SPTBN1: variants seen among roughly 807,000 people sequenced by gnomAD.
SPTBN1 encodes spectrin beta chain, non-erythrocytic 1.
A neutral mutation model predicts 266.4 loss-of-function variants in SPTBN1; 32 were observed. That is an observed-to-expected ratio of 0.12 (90% CI 0.09 to 0.16). The LOEUF (loss-of-function observed/expected upper bound fraction) is 0.16. Among genes scored for constraint, SPTBN1 ranks in the 10% least tolerant of loss-of-function variants. The probability of loss-of-function intolerance (pLI) is 1.00; values close to 1 mark genes in which losing one functional copy is unlikely to be tolerated. For missense variants in SPTBN1, 2,296 were observed against 3,067.1 expected, an observed-to-expected ratio of 0.75 and a Z score of 5.94; for synonymous variants, 1,336 against 1,162.2, an observed-to-expected ratio of 1.15 and a Z score of -3.04.
chr2:54,630,978 C>T lies in SPTBN1; in HGVS notation c.2931C>T (p.Val977=), dbSNP rs773569037. The T allele has an allele frequency of 6.2e-7, 1 of 1,614,168 alleles. No homozygotes were observed. Among genetic ancestry groups the T allele is most frequent in the Admixed American group, 1.7e-5 (1 of 60,030 alleles). Residue 977 remains valine (V), a synonymous_variant, in exon 16 of 36, where the codon GTC becomes GTT. Transcript: ENST00000356805. ...CCTGGATTCGGGAAAAGACCAAGGT[C>T]ATCGAGTCCACCCAGGACCTGGGCA... is the stretch of plus-strand genomic sequence containing the variant. The part of the protein sequence containing the change: ...TKSWIREKTK[V]IESTQDLGND...
Position 54,631,274 on chromosome 2 carries a change from C to G in SPTBN1, c.3227C>G (p.Ser1076Cys). ...CTACGGGACTTGGACGACTTCCAGTCCTGGCTCTCTAGGACCCAGACAGCG... is the reference window on the plus strand; with the variant it reads ...CTACGGGACTTGGACGACTTCCAGTGCTGGCTCTCTAGGACCCAGACAGCG... The part of the protein sequence containing the change: ...QFLRDLDDFQ[S>C]WLSRTQTAIA... The change falls in exon 16 of 36, where the codon TCC becomes TGC. Residue 1076 changes from serine to cysteine, a missense_variant. Ser to Cys is a moderately radical substitution (Grantham distance 112, BLOSUM62 -1). Transcript: ENST00000356805. 6.2e-6 allele frequency: 10 copies of G among 1,614,180 alleles called. No individual in the cohort carries two copies. The highest frequency in any genetic ancestry group is 7.6e-6 in the Non-Finnish European group (9 of 1,180,006).
chr2:54,502,887 G>T (rs1019904481), intron 1 of SPTBN1, among the ~76,000 whole-genome samples: 4 of 152,166 alleles, frequency 2.6e-5, no homozygotes, highest in Non-Finnish European at 5.9e-5. Flanking sequence ...CATTGTGTCA[G>T]GAATGAGCTC....
rs763347917 is a variant in SPTBN1 at position 54,644,362 on chromosome 2, G to C, written c.4045G>C (p.Ala1349Pro). The stretch of plus-strand genomic sequence containing the variant: ...CATTTCAGAAAAGCCTGAGACGGAA[G>C]CTGTGGTGAAGGAGAAACTCACTGG... ...QLISEKPETE[A>P]VVKEKLTGLH... Residue 1349 changes from alanine (A) to proline (P), a missense_variant, in exon 20 of 36, where the codon GCT becomes CCT. Around this residue, in one of 12 missense-constraint regions of SPTBN1, gnomAD observed 386 missense variants for 486.1 expected, o/e 0.79. Transcript: ENST00000356805. The C allele has an allele frequency of 1.2e-6, 2 of 1,613,620 alleles. No individual in the cohort carries two copies. Among genetic ancestry groups the C allele is most frequent in the South Asian group, 2.2e-5 (2 of 91,074 alleles).
At chr2:54,604,886 C>T (rs1676733552) in intron 3 of SPTBN1, among the ~76,000 whole-genome samples, 1 of 152,186 alleles carries the variant, frequency 6.6e-6, no homozygotes, top group Admixed American at 6.5e-5. Flanking sequence ...CTCAGAGGAA[C>T]TGCTCTCTGC....
chr2:54,670,657 GC>G lies in SPTBN1; in HGVS notation c.*2089del. The G allele has an allele frequency of 2.5e-6, 1 of 398,650 alleles. No individual in the cohort carries two copies. The highest frequency in any genetic ancestry group is 4.4e-6 in the Non-Finnish European group (1 of 226,076). The allele number at this position is 398,650 out of a possible 1,614,324, so 24.7% of individuals were successfully genotyped here. A position where few individuals can be genotyped will look rare whatever the true frequency, so the allele number is the denominator to read the frequency against. On this transcript the variant is annotated 3_prime_UTR_variant, in exon 36 of 36. Transcript: ENST00000356805. ...AGTCTTGTACTCTTGACAAAGCTGT[GC>G]AGATGGCAATAAGTTCATACCAGCA...
chr2:54,479,263 C>T (rs939520349), intron 1 of SPTBN1, among the ~76,000 whole-genome samples: 1 of 152,166 alleles, frequency 6.6e-6, no homozygotes. Flanking sequence ...AAACATGACC[C>T]TTACCAACCG....
At chr2:54,503,765 C>T (rs1444376512) in intron 1 of SPTBN1, among the ~76,000 whole-genome samples, 1 of 152,126 alleles carries the variant, frequency 6.6e-6, no homozygotes, top group Non-Finnish European at 1.5e-5. Flanking sequence ...ACTATTCATC[C>T]CTCAGTAGCT....
At chr2:54,518,234 C>G (rs1337546621) in intron 1 of SPTBN1, among the ~76,000 whole-genome samples, 2 of 151,150 alleles carry the variant, frequency 1.3e-5, no homozygotes, top group African/African-American at 4.9e-5. Flanking sequence ...TGTTCTCACT[C>G]ATAGGTGGGA....
At chr2:54,657,701 A>G (rs1410118465) in intron 29 of SPTBN1, 149 bp from the exon 30 acceptor site, 4 of 891,374 alleles carry the variant, frequency 4.5e-6, no homozygotes, top group Non-Finnish European at 6.7e-6. Context: ...CTCACATTAC[A>G]TTTACATTGG....
intron 8 of SPTBN1, 71 bp from the exon 9 acceptor site, chr2:54,622,229 T>G: frequency 1.3e-5 from 20 of 1,499,654 alleles, no homozygotes; most frequent in African/African-American, 5.5e-5. Context: ...CATGCACTCG[T>G]ATAGGGTTAC....
chr2:54,586,091 GT>G (rs1444172983), intron 2 of SPTBN1, among the ~76,000 whole-genome samples: 1 of 152,134 alleles, frequency 6.6e-6, no homozygotes, highest in African/African-American at 2.4e-5. Context: ...TATACATTTT[GT>G]TTTTTGATCT....
intron 1 of SPTBN1, chr2:54,516,436 A>G (rs1670113368): frequency 1.3e-5 from 2 of 152,238 alleles, no homozygotes; most frequent in African/African-American, 4.8e-5. Flanking sequence ...CTTATGGTAC[A>G]AGATTCAATA....
rs1317572772 is a variant in SPTBN1 at position 54,554,884 on chromosome 2, T to C, written c.148+28318T>C. Among the ~76,000 whole-genome samples, 1 of 152,204 alleles carries C rather than the reference T, an allele frequency of 6.6e-6. No homozygotes were observed. On this transcript the variant is annotated intron_variant, in intron 2 of 35. Transcript: ENST00000356805. The surrounding 1 kb of genome is among the most constrained non-coding windows in gnomAD (Gnocchi z 4.5). The stretch of plus-strand genomic sequence containing the variant: ...CATCTTCCCCTGAGTCTGATAACCC[T>C]CATTCACTAGTCTCATCTTCATAGC...
At chr2:54,640,626 A>T (rs541042470) in intron 18 of SPTBN1, among the ~76,000 whole-genome samples, 1 of 150,328 alleles carries the variant, frequency 6.7e-6, no homozygotes, top group Non-Finnish European at 1.5e-5. Context: ...ATCTCAGCTC[A>T]CTACAGCCCC....
rs1317988409 is a variant in SPTBN1, at chr2:54,528,132, G to A, written c.148+1566G>A. Reference sequence around the variant, plus strand: ...TCATTCATTAACATGGAACTCTATGGAGATCATGACCCTGGCTTGTGCTAG... The same window carrying A: ...TCATTCATTAACATGGAACTCTATGAAGATCATGACCCTGGCTTGTGCTAG... On this transcript the variant is annotated intron_variant, in intron 2 of 35. Coordinates refer to ENST00000356805, the MANE Select transcript of SPTBN1 (RefSeq NM_003128.3). 2.0e-5 allele frequency: 3 copies of A among 152,604 alleles called. No individual in the cohort carries two copies. The East Asian group carries it at 5.8e-4, about 29-fold the overall frequency. The allele number at this position is 152,604 out of a possible 1,614,324, so 9.5% of individuals were successfully genotyped here. A position where few individuals can be genotyped will look rare whatever the true frequency, so the allele number is the denominator to read the frequency against.
At chr2:54,632,871 G>A (rs994266544) in intron 17 of SPTBN1, 103 bp downstream of exon 17, 1 of 1,306,070 alleles carries the variant, frequency 7.7e-7, no homozygotes, top group Non-Finnish European at 1.1e-6. Flanking sequence ...AAATTTCCCA[G>A]TGGGCAGAAT....
intron 19 of SPTBN1, among the ~76,000 whole-genome samples, chr2:54,644,087 C>T (rs1160536896): frequency 2.0e-5 from 3 of 152,140 alleles, no homozygotes; most frequent in African/African-American, 4.8e-5. Context: ...TCCGTTGCCC[C>T]AGTTGAGACT....
intron 2 of SPTBN1, among the ~76,000 whole-genome samples, chr2:54,573,768 G>A (rs1340185318): frequency 2.6e-5 from 4 of 152,132 alleles, no homozygotes; most frequent in African/African-American, 9.7e-5. Context: ...CTCTGCCTGC[G>A]GCTCTTTGCT....
chr2:54,594,152 C>T (rs893963431), intron 2 of SPTBN1, among the ~76,000 whole-genome samples: 5 of 151,886 alleles, frequency 3.3e-5, no homozygotes, highest in African/African-American at 1.2e-4. Flanking sequence ...AAATGTTGTG[C>T]GTGAGGCATT....
Sources: allele counts gnomAD v4.1 joint callset (sites outside exome capture counted in the v4.1 genomes callset), GRCh38; gene constraint gnomAD v4.1.1; regional missense constraint gnomAD v4.1.1; non-coding constraint Gnocchi (gnomAD v3.1); transcripts MANE v1.5; gene names NCBI Gene and HGNC (gene_info 2026-07-23, HGNC 2026-07-21).